KIR2DL4: variants seen among roughly 807,000 people sequenced by gnomAD.
KIR2DL4 encodes the protein killer cell immunoglobulin like receptor, two Ig domains and long cytoplasmic tail 4, also known as killer cell immunoglobulin-like receptor 2DL4.
A neutral mutation model predicts 31.0 loss-of-function variants in KIR2DL4; 41 were observed. That is an observed-to-expected ratio of 1.32 (90% confidence interval 1.03 to 1.72). The LOEUF (loss-of-function observed/expected upper bound fraction) is 1.72. Among genes scored for constraint, KIR2DL4 ranks in the 40% most tolerant of loss-of-function variants. KIR2DL4 has a pLI of 0.00. For synonymous variants in KIR2DL4, 164 were observed against 133.6 expected, an observed-to-expected ratio of 1.23 and a Z score of -1.57; for missense variants, 438 against 353.7, an observed-to-expected ratio of 1.24 and a Z score of -1.91.
rs1276483624 is a variant in KIR2DL4 at position 54,806,399 on chromosome 19, C to T, written c.655+155C>T. Among the ~76,000 whole-genome samples the T allele has an allele frequency of 6.6e-5, 10 of 151,212 alleles. No individual in the cohort carries two copies. In the East Asian group the frequency reaches 1.7e-3, roughly 26 times the overall value. On this transcript the variant is annotated intron_variant, in intron 4 of 7. Coordinates refer to ENST00000359085, the Ensembl canonical transcript of KIR2DL4. ...AGGGCACAGGATGGCAGACAGGGCA[C>T]CTCCAAACCCTCCTGCATGGCCTGC...
At chr19:54,807,249 T>A (rs659629) in intron 4 of KIR2DL4, among the ~76,000 whole-genome samples, 132,152 of 149,958 alleles carry the variant, frequency 0.88, 58,646 homozygotes, top group East Asian at 0.99. Context: ...TATGTACTAC[T>A]TTCTCTCTAT....
chr19:54,803,815 C>A, intron 1 of KIR2DL4, 76 bp from the exon 2 acceptor site: 1 of 1,562,352 alleles, frequency 6.4e-7, no homozygotes, highest in East Asian at 2.2e-5. Flanking sequence ...TTCAGTCCAG[C>A]GTGGCGCCCA....
intron 1 of KIR2DL4, 49 bp downstream of exon 1, chr19:54,803,740 G>C: frequency 1.9e-6 from 3 of 1,594,212 alleles, no homozygotes; most frequent in Non-Finnish European, 2.6e-6. Flanking sequence ...TGGGCCTGCA[G>C]ATTGGGTGTC....
At chr19:54,805,181 T>G in intron 3 of KIR2DL4, 104 bp downstream of exon 3, 1 of 1,186,934 alleles carries the variant, frequency 8.4e-7, no homozygotes. Context: ...CCCAACTATA[T>G]TTGGGGTAAA....
chr19:54,808,784 G>GAA (rs35837163), intron 4 of KIR2DL4, 49 bp from the exon 5 acceptor site: 335,780 of 1,300,472 alleles, frequency 0.26, 50,464 homozygotes, highest in African/African-American at 0.49. Flanking sequence ...CCATTGAGTA[G>GAA]AAGACAGGCA....
In KIR2DL4 at chr19:54,809,491, C is replaced by T. The variant is rs2147940555; in HGVS notation, c.706+608C>T. Among the ~76,000 whole-genome samples the T allele has an allele frequency of 1.3e-5, 2 of 151,276 alleles. 1 individual carries two copies. The highest frequency in any genetic ancestry group is 4.2e-4 in the South Asian group (2 of 4,716). On this transcript the variant is annotated intron_variant, in intron 5 of 7. Transcript: ENST00000359085. Reference sequence around the variant, plus strand: ...CATTTTTAAAAAATATCTCATGGTGCTGTAGCTCAGAAGTATGAAATGCAT... The same window carrying T: ...CATTTTTAAAAAATATCTCATGGTGTTGTAGCTCAGAAGTATGAAATGCAT...
intron 6 of KIR2DL4, 148 bp from the exon 6 acceptor site, chr19:54,813,542 C>T: frequency 1.2e-6 from 1 of 851,946 alleles, no homozygotes; most frequent in South Asian, 1.6e-5. Flanking sequence ...GGGTCTTGCA[C>T]TCAGAGAGAT....
At chr19:54,806,733 T>C (rs2060553339) in intron 4 of KIR2DL4, among the ~76,000 whole-genome samples, 1 of 150,834 alleles carries the variant, frequency 6.6e-6, no homozygotes, top group Admixed American at 6.6e-5. Context: ...ATATGCTGTG[T>C]GCGGTGGCTC....
At chr19:54,811,482 TTTC>T (rs2060865580) in intron 5 of KIR2DL4, among the ~76,000 whole-genome samples, 1 of 151,358 alleles carries the variant, frequency 6.6e-6, no homozygotes, top group Non-Finnish European at 1.5e-5. Flanking sequence ...CATTTTTCTA[TTTC>T]TCTATAATGA....
Position 54,806,095 on chromosome 19 carries a change from C to A in KIR2DL4, c.506C>A (p.Pro169His), listed in dbSNP as rs553817989. The change falls in exon 4 of 8, where the codon CCT becomes CAT. Residue 169 changes from proline to histidine, a missense_variant. Physicochemically the swap from Pro to His is moderately conservative, Grantham distance 77. Coordinates refer to ENST00000359085, the Ensembl canonical transcript of KIR2DL4. ...GGGGAAGCCCATGAACTTAGGCTCCCTGCAGTGCCCAGCATCAATGGAACA... is the reference window on the plus strand; with the variant it reads ...GGGGAAGCCCATGAACTTAGGCTCCATGCAGTGCCCAGCATCAATGGAACA... The A allele has an allele frequency of 1.6e-3, 2,518 of 1,612,162 alleles. 68 individuals carry two copies. Among genetic ancestry groups the A allele is most frequent in the African/African-American group, 0.012 (877 of 74,268 alleles).
At position 54,813,744 on chromosome 19, in the gene KIR2DL4, T is replaced by C; in HGVS notation, c.*41+2T>C. The C allele has an allele frequency of 1.9e-6, 3 of 1,611,062 alleles. No individual in the cohort carries two copies. The highest frequency in any genetic ancestry group is 2.5e-6 in the Non-Finnish European group (3 of 1,179,236). On this transcript the variant is annotated splice_donor_variant, in intron 7 of 7. Coordinates refer to ENST00000359085, the Ensembl canonical transcript of KIR2DL4. LOFTEE classifies it low-confidence loss of function (3UTR_SPLICE). ...GGACACAGAACAGTGAACAGGGAGG[T>C]AGGTCCTCCTAGCCCAGCCTCATGG...
At chr19:54,812,222 T>G (rs1331894309) in intron 5 of KIR2DL4, among the ~76,000 whole-genome samples, 1 of 151,306 alleles carries the variant, frequency 6.6e-6, no homozygotes, top group African/African-American at 2.4e-5. Context: ...GGCAGGTTCA[T>G]TACTTATAGA....
exon 8 of KIR2DL4, chr19:54,814,433 C>G (rs1376877745): frequency 2.7e-6 from 1 of 372,396 alleles, no homozygotes; most frequent in Non-Finnish European, 4.9e-6. Context: ...GACTATTTTT[C>G]AGCCTTCTGG....
intron 5 of KIR2DL4, among the ~76,000 whole-genome samples, chr19:54,811,267 G>A (rs1228962119): frequency 9.3e-5 from 14 of 150,638 alleles, no homozygotes; most frequent in Admixed American, 6.0e-4. Flanking sequence ...GGGTGGTGGC[G>A]CGTGCCTGTA....
intron 5 of KIR2DL4, among the ~76,000 whole-genome samples, chr19:54,811,928 C>T (rs2060888133): frequency 1.3e-5 from 2 of 151,474 alleles, no homozygotes; most frequent in East Asian, 1.9e-4. Flanking sequence ...ATGTTGCCCA[C>T]GAGCTTCATC....
intron 4 of KIR2DL4, 142 bp from the exon 5 acceptor site, chr19:54,808,691 G>T: frequency 1.3e-6 from 1 of 757,484 alleles, no homozygotes; most frequent in South Asian, 1.4e-5. Flanking sequence ...CACCTACAAT[G>T]ATTATGGAGA....
At chr19:54,810,294 T>G (rs2147948875) in intron 5 of KIR2DL4, among the ~76,000 whole-genome samples, 1 of 140,684 alleles carries the variant, frequency 7.1e-6, no homozygotes, top group East Asian at 2.2e-4. Context: ...AATTTTTTTT[T>G]GGTATTTTTT....
chr19:54,813,522 T>C (rs2061004028), intron 6 of KIR2DL4, among the ~76,000 whole-genome samples, 168 bp from the exon 6 acceptor site: 1 of 151,076 alleles, frequency 6.6e-6, no homozygotes, highest in Non-Finnish European at 1.5e-5. Context: ...TGACAGCTAT[T>C]CATGGAATGG....
At chr19:54,811,142 T>C (rs1323973757) in intron 5 of KIR2DL4, among the ~76,000 whole-genome samples, 3 of 151,326 alleles carry the variant, frequency 2.0e-5, no homozygotes. Context: ...CTCACACCTG[T>C]AACCCAACAT....
Sources: allele counts gnomAD v4.1 joint callset (sites outside exome capture counted in the v4.1 genomes callset), GRCh38; gene constraint gnomAD v4.1.1; transcripts MANE v1.5; gene names NCBI Gene and HGNC (gene_info 2026-07-23, HGNC 2026-07-21).